Variants in CAMTA1 observed in about 807,000 individuals in gnomAD.
CAMTA1 encodes the protein calmodulin binding transcription activator 1.
In CAMTA1, 27 loss-of-function variants were observed where a neutral mutation model predicts 170.9. That is an observed-to-expected ratio of 0.16 (90% CI 0.12 to 0.22). The LOEUF (loss-of-function observed/expected upper bound fraction) is 0.22, where lower values mean the gene tolerates loss of function less well. Among genes scored for constraint, CAMTA1 ranks in the 10% least tolerant of loss-of-function variants. CAMTA1 has a pLI of 1.00. For missense variants in CAMTA1, 1,619 were observed against 2,217.2 expected (o/e 0.73, Z 5.42); for synonymous variants, 833 against 891.5 (o/e 0.93, Z 1.17).
intron 5 of CAMTA1, among the ~76,000 whole-genome samples, chr1:7,383,826 G>A (rs916814639): frequency 6.6e-6 from 1 of 152,152 alleles, no homozygotes; most frequent in African/African-American, 2.4e-5. Flanking sequence ...TAAGGAGGAT[G>A]AGGGTGATGA....
At chr1:7,068,398 G>A (rs1709235241) in intron 3 of CAMTA1, among the ~76,000 whole-genome samples, 1 of 151,870 alleles carries the variant, frequency 6.6e-6, no homozygotes, top group South Asian at 2.1e-4. Context: ...AGTTGAATTT[G>A]AGTTTTACGG....
At chr1:6,964,993 GCAGAGCA>G (rs779103963) in intron 3 of CAMTA1, among the ~76,000 whole-genome samples, 21 of 152,270 alleles carry the variant, frequency 1.4e-4, no homozygotes, top group South Asian at 1.2e-3. Flanking sequence ...TCCAAGGGTC[GCAGAGCA>G]GCAGGTAGAG....
In CAMTA1 at chr1:7,654,814, C is replaced by CCTAT. The variant is rs1187835993; in HGVS notation, c.665-6912_665-6911insCTAT. ...ACACACCTATACACACACCCACACA[C>CCTAT]ACCACACACACCCCTATACACACGA... On this transcript the variant is annotated intron_variant, in intron 7 of 22. Coordinates refer to ENST00000303635, the MANE Select transcript of CAMTA1 (RefSeq NM_015215.4). Among the ~76,000 whole-genome samples the CCTAT allele has an allele frequency of 4.1e-4, 56 of 137,976 alleles. 1 individual carries two copies. The highest frequency in any genetic ancestry group is 1.5e-3 in the African/African-American group (54 of 37,034). The allele number at this position is 137,976 out of a possible 152,430, so 90.5% of individuals were successfully genotyped here.
At chr1:7,552,326 C>G (rs12562733) in intron 6 of CAMTA1, among the ~76,000 whole-genome samples, 34,696 of 152,228 alleles carry the variant, frequency 0.23, 4,298 homozygotes, top group East Asian at 0.49. Flanking sequence ...TGCAAGGTGC[C>G]GTAAAGTGTG....
chr1:6,926,616 C>G (rs955743676), intron 3 of CAMTA1, among the ~76,000 whole-genome samples: 24 of 135,528 alleles, frequency 1.8e-4, no homozygotes, highest in Admixed American at 6.8e-4. Context: ...CTCATTCTTT[C>G]TTTCTCCCCT....
intron 3 of CAMTA1, among the ~76,000 whole-genome samples, chr1:7,053,101 A>G (rs1430521508): frequency 6.6e-6 from 1 of 152,150 alleles, no homozygotes; most frequent in Non-Finnish European, 1.5e-5. Context: ...GGCTGGAGGG[A>G]TGGACCCTCA....
chr1:7,602,037 A>AG (rs1296739950), intron 6 of CAMTA1, among the ~76,000 whole-genome samples: 1 of 147,156 alleles, frequency 6.8e-6, no homozygotes, highest in African/African-American at 2.5e-5. Flanking sequence ...GAGGAGGGAG[A>AG]GGGAGAGGAG....
chr1:7,026,635 CTTTTTT>C (rs540196853), intron 3 of CAMTA1, among the ~76,000 whole-genome samples: 1 of 116,548 alleles, frequency 8.6e-6, no homozygotes. Context: ...TGGGTGGCTG[CTTTTTT>C]TTTTTTTTTT....
chr1:6,926,440 CTTTCTTTCTT>C (rs1217652604), intron 3 of CAMTA1, among the ~76,000 whole-genome samples: 1 of 31,446 alleles, frequency 3.2e-5, no homozygotes, highest in African/African-American at 2.0e-4. Flanking sequence ...TTTCTTTTCT[CTTTCTTTCTT>C]TCTTTCTTTC....
intron 5 of CAMTA1, among the ~76,000 whole-genome samples, chr1:7,365,060 C>T (rs1226640297): frequency 1.3e-5 from 2 of 152,250 alleles, no homozygotes. Context: ...TCCCCAGAGT[C>T]CAAGCCCAGG....
At chr1:6,867,757 A>G (rs1002739747) in intron 3 of CAMTA1, among the ~76,000 whole-genome samples, 4 of 152,160 alleles carry the variant, frequency 2.6e-5, no homozygotes, top group Admixed American at 2.6e-4. Context: ...ATATTTATAG[A>G]TTAAAAATAA....
At chr1:6,800,364 G>A (rs926681517) in intron 1 of CAMTA1, among the ~76,000 whole-genome samples, 3 of 152,016 alleles carry the variant, frequency 2.0e-5, no homozygotes, top group East Asian at 1.9e-4. Context: ...CTACGATCAC[G>A]CCACTGCACT....
chr1:6,877,741 T>G (rs181200401), intron 3 of CAMTA1, among the ~76,000 whole-genome samples: 145 of 152,314 alleles, frequency 9.5e-4, no homozygotes, highest in African/African-American at 3.4e-3. Flanking sequence ...CCAGCCCCTT[T>G]TCTCTCTTCT....
rs114007970 is a variant in CAMTA1 at position 7,141,875 on chromosome 1, G to T, written c.302+50504G>T. Among the ~76,000 whole-genome samples, 1,428 of 152,228 alleles carry T rather than the reference G, an allele frequency of 9.4e-3. 10 individuals carry two copies. Among genetic ancestry groups the T allele is most frequent in the South Asian group, 0.025 (122 of 4,826 alleles). ...TCATCAGACGGGAATGGAACTTATG[G>T]ATCATCTCATTTCATGCTCCTACTT... On this transcript the variant is annotated intron_variant, in intron 4 of 22. Coordinates refer to ENST00000303635, the MANE Select transcript of CAMTA1 (RefSeq NM_015215.4).
chr1:7,563,905 C>A (rs925099494), intron 6 of CAMTA1, among the ~76,000 whole-genome samples: 2 of 152,150 alleles, frequency 1.3e-5, no homozygotes, highest in African/African-American at 4.8e-5. Context: ...TAAGCAGAAC[C>A]TGCAGAATAT....
chr1:7,536,729 G>A (rs920860645), intron 6 of CAMTA1, among the ~76,000 whole-genome samples: 1 of 152,178 alleles, frequency 6.6e-6, no homozygotes, highest in African/African-American at 2.4e-5. Flanking sequence ...CGGCAGGCGC[G>A]ACGCTCATTT....
chr1:7,619,367 G>T (rs2095581480), intron 6 of CAMTA1, among the ~76,000 whole-genome samples: 1 of 152,210 alleles, frequency 6.6e-6, no homozygotes, highest in South Asian at 2.1e-4. Flanking sequence ...CATCTTGAGT[G>T]CTGGCTTCGT....
At chr1:6,989,304 G>A (rs1394373729) in intron 3 of CAMTA1, among the ~76,000 whole-genome samples, 1 of 152,186 alleles carries the variant, frequency 6.6e-6, no homozygotes, top group Non-Finnish European at 1.5e-5. Flanking sequence ...TTTGACTAAC[G>A]GAGAATTTAG....
At position 7,664,191 on chromosome 1, in the gene CAMTA1, C is replaced by T. The variant is rs1180482167; in HGVS notation, c.1644C>T (p.Tyr548=). The T allele has an allele frequency of 1.9e-6, 3 of 1,612,802 alleles. No individual in the cohort carries two copies. The highest frequency in any genetic ancestry group is 3.3e-5 in the Admixed American group (2 of 60,032). Reference sequence around the variant, plus strand: ...AGCAGCAGATGGCCAAAGAAGCGTACTCCTCCTCCGCGGCGGCTGTGGCAG... The same window carrying T: ...AGCAGCAGATGGCCAAAGAAGCGTATTCCTCCTCCGCGGCGGCTGTGGCAG... ...SFEQQMAKEA[Y]SSSAAAVAAS... Residue 548 remains tyrosine, a synonymous_variant, in exon 9 of 23, where the codon TAC becomes TAT. Coordinates refer to ENST00000303635, the MANE Select transcript of CAMTA1 (RefSeq NM_015215.4).
Sources: allele counts gnomAD v4.1 joint callset (sites outside exome capture counted in the v4.1 genomes callset), GRCh38; gene constraint gnomAD v4.1.1; transcripts MANE v1.5; gene names NCBI Gene and HGNC (gene_info 2026-07-23, HGNC 2026-07-21).